GNG4: variants seen among roughly 807,000 people sequenced by gnomAD.
GNG4 encodes guanine nucleotide-binding protein G(I)/G(S)/G(O) subunit gamma-4.
In GNG4, 4 loss-of-function variants were observed where a neutral mutation model predicts 5.8. The ratio of observed to expected loss-of-function variants is 0.69; its 90% confidence interval spans 0.34 to 1.57. The LOEUF is 1.57. Among genes scored for constraint, GNG4 ranks in the 40% most tolerant of loss-of-function variants. The pLI is 0.06. For missense variants in GNG4, 96 were observed against 95.1 expected, an observed-to-expected ratio of 1.01 and a Z score of -0.04; for synonymous variants, 29 against 32.9, an observed-to-expected ratio of 0.88 and a Z score of 0.41.
At position 235,552,256 on chromosome 1, in the gene GNG4, C is replaced by G. The variant is rs423026; in HGVS notation, c.100-19G>C. ...GGGAGACCTGTGAGGGCACAGAGCA[C>G]AGGTGCTCAGTTAAAGGCCCCTTTG... On this transcript the variant is annotated intron_variant, in intron 3 of 3. Coordinates refer to ENST00000391854, the MANE Select transcript of GNG4 (RefSeq NM_001098722.2). The G allele has an allele frequency of 0.54, 872,524 of 1,608,110 alleles. 241,754 individuals carry two copies. Among genetic ancestry groups the G allele is most frequent in the East Asian group, 0.83 (37,298 of 44,816 alleles).
chr1:235,631,027 T>C (rs1307545537), intron 1 of GNG4, among the ~76,000 whole-genome samples: 1 of 152,100 alleles, frequency 6.6e-6, no homozygotes, highest in Non-Finnish European at 1.5e-5. Flanking sequence ...GCCTCCTAAG[T>C]AGCTGGAATT....
intron 2 of GNG4, among the ~76,000 whole-genome samples, chr1:235,590,647 C>T (rs1467020884): frequency 6.6e-6 from 1 of 152,148 alleles, no homozygotes; most frequent in African/African-American, 2.4e-5. Context: ...CCTTGTTGCC[C>T]AGAGTGATCC....
chr1:235,625,490 T>C (rs1688791270), intron 1 of GNG4, among the ~76,000 whole-genome samples: 1 of 152,216 alleles, frequency 6.6e-6, no homozygotes, highest in South Asian at 2.1e-4. Context: ...CTGCACATTC[T>C]ATGGGCTTTG....
intron 2 of GNG4, among the ~76,000 whole-genome samples, chr1:235,592,227 C>T (rs1278797445): frequency 2.6e-5 from 4 of 152,224 alleles, no homozygotes; most frequent in Non-Finnish European, 4.4e-5. Context: ...CTTCCTGGGC[C>T]GGGTACAGTG....
intron 1 of GNG4, among the ~76,000 whole-genome samples, chr1:235,629,074 A>G (rs529603164): frequency 3.4e-5 from 5 of 148,926 alleles, no homozygotes; most frequent in South Asian, 2.1e-4. Flanking sequence ...TTGGAGTGCA[A>G]TGGTGCAATC....
intron 1 of GNG4, among the ~76,000 whole-genome samples, chr1:235,640,658 G>A (rs995376814): frequency 3.3e-5 from 5 of 152,336 alleles, no homozygotes; most frequent in Admixed American, 2.6e-4. Context: ...CCTGAATCCC[G>A]GCAGGGTGGA....
chr1:235,570,295 G>C (rs1471973871), intron 3 of GNG4, among the ~76,000 whole-genome samples: 2 of 151,484 alleles, frequency 1.3e-5, no homozygotes, highest in Non-Finnish European at 2.9e-5. Flanking sequence ...TCCACAGCAT[G>C]TGTGCCACTC....
intron 1 of GNG4, among the ~76,000 whole-genome samples, chr1:235,620,047 C>T (rs1293249325): frequency 6.6e-6 from 1 of 152,192 alleles, no homozygotes; most frequent in Non-Finnish European, 1.5e-5. Context: ...TAGACAGCTA[C>T]CTCAAAGGGA....
intron 3 of GNG4, among the ~76,000 whole-genome samples, chr1:235,558,637 C>A (rs1293523674): frequency 6.6e-6 from 1 of 152,190 alleles, no homozygotes; most frequent in Non-Finnish European, 1.5e-5. Context: ...CAGACAACGC[C>A]AGATCCCATT....
At chr1:235,581,407 T>TAGTCCC (rs1353500609) in intron 3 of GNG4, among the ~76,000 whole-genome samples, 2 of 151,420 alleles carry the variant, frequency 1.3e-5, no homozygotes, top group African/African-American at 2.4e-5. Flanking sequence ...TGGGCGCCTG[T>TAGTCCC]AGTCCCAGCT....
At chr1:235,569,457 C>CAA (rs10660622) in intron 3 of GNG4, among the ~76,000 whole-genome samples, 52,178 of 139,618 alleles carry the variant, frequency 0.37, 10,774 homozygotes, top group East Asian at 0.79. Context: ...GACCGTGTCT[C>CAA]AAAAAAAAAA....
chr1:235,548,620 G>A lies in GNG4; in HGVS notation c.*3489C>T, dbSNP rs1416549366. On this transcript the variant is annotated 3_prime_UTR_variant, in exon 4 of 4. Transcript: ENST00000391854. ...TCCCGACTGGTATGGGGCTGGAAGC[G>A]GGGTGTGCCTGAGAGACAGGAAATA... The A allele has an allele frequency of 9.5e-6, 1 of 105,358 alleles. No homozygotes were observed. The highest frequency in any genetic ancestry group is 3.1e-5 in the African/African-American group (1 of 32,580). 6.5% of individuals were successfully genotyped at this position (105,358 alleles called of 1,614,324 possible). A position where few individuals can be genotyped will look rare whatever the true frequency, so the allele number is the denominator to read the frequency against.
At chr1:235,556,835 A>G (rs1299623013) in intron 3 of GNG4, among the ~76,000 whole-genome samples, 1 of 152,002 alleles carries the variant, frequency 6.6e-6, no homozygotes, top group Non-Finnish European at 1.5e-5. Context: ...TTTTTCTGCA[A>G]CTAGATGGTC....
At chr1:235,612,081 A>G (rs1688489892) in intron 1 of GNG4, among the ~76,000 whole-genome samples, 1 of 119,096 alleles carries the variant, frequency 8.4e-6, no homozygotes, top group African/African-American at 5.3e-5. Context: ...AAAAAAAAAA[A>G]AAAAAAAAAA....
chr1:235,590,836 T>C (rs887892388), intron 2 of GNG4, among the ~76,000 whole-genome samples: 21 of 152,216 alleles, frequency 1.4e-4, no homozygotes, highest in African/African-American at 5.1e-4. Flanking sequence ...ACTTCGTGAT[T>C]CCTTAGTGTC....
intron 2 of GNG4, among the ~76,000 whole-genome samples, chr1:235,589,151 A>G (rs1248520571): frequency 2.0e-5 from 3 of 152,248 alleles, no homozygotes. Flanking sequence ...TATAGCCATA[A>G]CATCGGAAGG....
intron 1 of GNG4, among the ~76,000 whole-genome samples, chr1:235,633,650 G>A (rs1172449903): frequency 6.6e-6 from 1 of 152,126 alleles, no homozygotes; most frequent in Admixed American, 6.5e-5. Context: ...ACTGTGCCCA[G>A]CTAATTTTTA....
chr1:235,629,070 T>G (rs1430870669), intron 1 of GNG4, among the ~76,000 whole-genome samples: 1 of 149,570 alleles, frequency 6.7e-6, no homozygotes, highest in Admixed American at 6.8e-5. Context: ...TAGGTTGGAG[T>G]GCAATGGTGC....
chr1:235,565,358 G>A (rs1687168651), intron 3 of GNG4, among the ~76,000 whole-genome samples: 1 of 152,060 alleles, frequency 6.6e-6, no homozygotes, highest in African/African-American at 2.4e-5. Context: ...AAAATTAGCC[G>A]GGCATGGTGG....
Sources: gnomAD v4.1 joint callset for allele counts (sites outside exome capture counted in the v4.1 genomes callset) on GRCh38, gnomAD v4.1.1 for gene constraint, MANE v1.5 for transcripts, NCBI Gene and HGNC (gene_info 2026-07-23, HGNC 2026-07-21) for gene names.